LMO4: variants seen among roughly 807,000 people sequenced by gnomAD.
LMO4 encodes the protein LIM domain transcription factor LMO4.
In LMO4, 3 loss-of-function variants were observed where a neutral mutation model predicts 18.5. The observed-to-expected ratio is 0.16, with a 90% confidence interval of 0.07 to 0.42. LMO4 has a LOEUF of 0.42. LMO4 is among the 10% of genes least tolerant of loss of function. LMO4 has a pLI of 0.99. For synonymous variants in LMO4, 100 were observed against 88.1 expected, an observed-to-expected ratio of 1.14 and a Z score of -0.76; for missense variants, 121 against 219.9, an observed-to-expected ratio of 0.55 and a Z score of 2.84.
At chr1:87,333,649 A>G (rs1407431411) in intron 2 of LMO4, among the ~76,000 whole-genome samples, 1 of 152,210 alleles carries the variant, frequency 6.6e-6, no homozygotes, top group Non-Finnish European at 1.5e-5. Context: ...GGCATCCTCA[A>G]TCAGTCCAAG....
intron 4 of LMO4, among the ~76,000 whole-genome samples, chr1:87,340,668 A>G (rs745390953): frequency 3.9e-5 from 6 of 152,194 alleles, no homozygotes; most frequent in South Asian, 2.1e-4. Context: ...CCAATTTACA[A>G]TTCATTTACT....
At chr1:87,339,006 T>G (rs2100563794) in intron 2 of LMO4, among the ~76,000 whole-genome samples, 1 of 152,280 alleles carries the variant, frequency 6.6e-6, no homozygotes, top group South Asian at 2.1e-4. Context: ...CCATACACAT[T>G]ATATATCAAC....
rs781152821 is a variant in LMO4 at position 87,340,145 on chromosome 1, T to C, written c.432T>C (p.Ala144=). 1.9e-6 allele frequency: 3 copies of C among 1,614,092 alleles called. No individual in the cohort carries two copies. The highest frequency in any genetic ancestry group is 2.5e-6 in the Non-Finnish European group (3 of 1,179,996). ...TTTGTGAACATGATAGACCTACAGC[T>C]CTCATCAATGGCCATTTGAATTCAC... ...SLFCEHDRPT[A]LINGHLNSLQ... Residue 144 remains alanine, a synonymous_variant, in exon 4 of 5, where the codon GCT becomes GCC. Transcript: ENST00000370544.
At chr1:87,331,933 G>A in intron 1 of LMO4, 80 bp from the exon 2 acceptor site, 9 of 1,171,888 alleles carry the variant, frequency 7.7e-6, no homozygotes, top group Non-Finnish European at 9.9e-6. Context: ...GAATGGGCTT[G>A]CTCTCTCTCC....
chr1:87,344,440 A>G (rs905050503), intron 4 of LMO4, among the ~76,000 whole-genome samples: 28 of 152,208 alleles, frequency 1.8e-4, no homozygotes, highest in Admixed American at 4.6e-4. Flanking sequence ...TGTCCCCGCT[A>G]TTTAAAAAAT....
intron 2 of LMO4, among the ~76,000 whole-genome samples, chr1:87,335,039 G>T (rs1026281648): frequency 1.1e-5 from 1 of 91,102 alleles, no homozygotes; most frequent in African/African-American, 7.2e-5. Context: ...AAGAATGAAG[G>T]GGGGGGGGTT....
chr1:87,339,665 A>G, intron 3 of LMO4, 33 bp downstream of exon 3: 1 of 1,398,568 alleles, frequency 7.2e-7, no homozygotes, highest in Non-Finnish European at 1.0e-6. Flanking sequence ...TTTTTTAAAA[A>G]AAAAATCATA....
chr1:87,337,363 C>T (rs572646470), intron 2 of LMO4, among the ~76,000 whole-genome samples: 9 of 152,318 alleles, frequency 5.9e-5, no homozygotes, highest in African/African-American at 2.2e-4. Context: ...AGACTTACAA[C>T]TGACTTTACT....
intron 2 of LMO4, 31 bp downstream of exon 2, chr1:87,332,282 G>A (rs376216543): frequency 1.3e-6 from 2 of 1,554,966 alleles, no homozygotes; most frequent in African/African-American, 1.4e-5. Context: ...CTGGAGATGG[G>A]GGGAAGAGCA....
chr1:87,329,952 T>A (rs1650085776), intron 1 of LMO4, among the ~76,000 whole-genome samples: 1 of 152,078 alleles, frequency 6.6e-6, no homozygotes, highest in African/African-American at 2.4e-5. Flanking sequence ...AGGACCTAAA[T>A]TGCTTGGCTA....
intron 4 of LMO4, among the ~76,000 whole-genome samples, chr1:87,341,014 A>T (rs139975008): frequency 2.3e-3 from 345 of 152,308 alleles, no homozygotes; most frequent in African/African-American, 7.8e-3. Context: ...TAATCTCCTT[A>T]ATAAGTCCTA....
Position 87,348,328 on chromosome 1 carries a change from G to T in LMO4, c.*3532G>T, listed in dbSNP as rs753859833. On this transcript the variant is annotated 3_prime_UTR_variant, in exon 5 of 5. Coordinates refer to ENST00000370544, the MANE Select transcript of LMO4 (RefSeq NM_006769.4). The stretch of plus-strand genomic sequence containing the variant: ...TGTCCCACCTATGACCCCTTCAAGA[G>T]GCCATTGGAAAAAGGCCATTTACAA... The T allele has an allele frequency of 6.4e-5, 14 of 219,856 alleles. No homozygotes were observed. Among genetic ancestry groups the T allele is most frequent in the Non-Finnish European group, 1.2e-4 (13 of 106,600 alleles). The allele number at this position is 219,856 out of a possible 1,614,324, so 13.6% of individuals were successfully genotyped here.
intron 2 of LMO4, among the ~76,000 whole-genome samples, chr1:87,339,093 G>A (rs1348091329): frequency 6.6e-6 from 1 of 152,178 alleles, no homozygotes; most frequent in African/African-American, 2.4e-5. Flanking sequence ...TGAGCATGAT[G>A]TCTTCTTAGA....
At position 87,345,130 on chromosome 1, in the gene LMO4, T is replaced by C; in HGVS notation, c.*334T>C. On this transcript the variant is annotated 3_prime_UTR_variant, in exon 5 of 5. Coordinates refer to ENST00000370544, the MANE Select transcript of LMO4 (RefSeq NM_006769.4). ...AATTAAAAGAAGCATTCAAATCTGC[T>C]TTCTACCCTCATTAACAATTAGCAG... 1 of 290,868 alleles carries C rather than the reference T, an allele frequency of 3.4e-6. No homozygotes were observed. The highest frequency in any genetic ancestry group is 6.4e-6 in the Non-Finnish European group (1 of 157,314). 18.0% of individuals were successfully genotyped at this position (290,868 alleles called of 1,614,324 possible).
rs12033984 is a variant in LMO4 at position 87,346,985 on chromosome 1, T to A, written c.*2189T>A. ...GGCATAAGCACTTATGTCCCTGATA[T>A]GTACAAATTCAAAGGAGGTGGTTAA... is the stretch of plus-strand genomic sequence containing the variant. On this transcript the variant is annotated 3_prime_UTR_variant, in exon 5 of 5. Transcript: ENST00000370544. 1.3e-5 allele frequency: 2 copies of A among 152,166 alleles called. No homozygotes were observed. Among genetic ancestry groups the A allele is most frequent in the African/African-American group, 4.8e-5 (2 of 41,420 alleles). 9.4% of individuals were successfully genotyped at this position (152,166 alleles called of 1,614,324 possible).
rs1156587700 is a variant in LMO4, at chr1:87,330,245, G to T, written c.-4+1001G>T. 3.3e-5 allele frequency among the ~76,000 whole-genome samples: 5 copies of T among 151,866 alleles called. No individual in the cohort carries two copies. The East Asian group carries it at 7.7e-4, about 23-fold the overall frequency. On this transcript the variant is annotated intron_variant, in intron 1 of 4. Coordinates refer to ENST00000370544, the MANE Select transcript of LMO4 (RefSeq NM_006769.4). ...TTTACCTCTCACTAAAGATGGGGGC[G>T]GGGAAGAGCTTGGAATCTCCTCCCT...
intron 2 of LMO4, among the ~76,000 whole-genome samples, chr1:87,333,818 C>T (rs1000694514): frequency 7.9e-5 from 12 of 151,998 alleles, no homozygotes; most frequent in African/African-American, 2.9e-4. Flanking sequence ...TGAGCTTTGA[C>T]GGTGCTGTAA....
intron 1 of LMO4, 88 bp downstream of exon 1, chr1:87,329,332 C>G (rs10157404): frequency 0.054 from 8,220 of 152,294 alleles, 417 homozygotes; most frequent in African/African-American, 0.13. Context: ...TCTTTGGCTT[C>G]CTTCCCCTGA....
chr1:87,342,541 G>A (rs558425036), intron 4 of LMO4, among the ~76,000 whole-genome samples: 4 of 152,242 alleles, frequency 2.6e-5, no homozygotes, highest in Admixed American at 6.5e-5. Flanking sequence ...AAAGAGACAG[G>A]TGGCCTTCAA....
Sources: allele counts gnomAD v4.1 joint callset (sites outside exome capture counted in the v4.1 genomes callset), GRCh38; gene constraint gnomAD v4.1.1; transcripts MANE v1.5; gene names NCBI Gene and HGNC (gene_info 2026-07-23, HGNC 2026-07-21).